Variants in LRFN5 observed in about 807,000 individuals in gnomAD.
LRFN5 encodes leucine rich repeat and fibronectin type III domain containing 5, also known as leucine-rich repeat and fibronectin type-III domain-containing protein 5.
A neutral mutation model predicts 45.6 loss-of-function variants in LRFN5; 24 were observed. The ratio of observed to expected loss-of-function variants is 0.53; its 90% CI spans 0.38 to 0.74. The LOEUF is 0.74. LRFN5 is among the 30% of genes least tolerant of loss of function. The probability of loss-of-function intolerance (pLI) is 0.00; values close to 1 mark genes in which losing one functional copy is unlikely to be tolerated. For missense variants in LRFN5, 776 were observed against 861.5 expected (o/e 0.90, Z 1.24); for synonymous variants, 340 against 313.8 (o/e 1.08, Z -0.88).
intron 1 of LRFN5, among the ~76,000 whole-genome samples, chr14:41,616,547 A>G (rs1288423403): frequency 6.6e-6 from 1 of 152,134 alleles, no homozygotes; most frequent in Admixed American, 6.6e-5. Flanking sequence ...AATAAAATTG[A>G]TGATTAAGCT....
chr14:41,645,167 T>A (rs759633888), intron 1 of LRFN5, among the ~76,000 whole-genome samples: 2 of 152,206 alleles, frequency 1.3e-5, no homozygotes, highest in Non-Finnish European at 2.9e-5. Flanking sequence ...AAAGAGATGA[T>A]GCATGTAAAG....
Position 41,891,923 on chromosome 14 carries a change from A to G in LRFN5, c.2059A>G (p.Thr687Ala), listed in dbSNP as rs751571865. The change falls in exon 4 of 6, where the codon ACA (threonine) becomes GCA (alanine). Residue 687 changes from threonine to alanine, a missense_variant. Transcript: ENST00000298119. ...AGCTAGCCGTCCTCCCGATTCTGTC[A>G]CAGAGGGGCCCACGTCTAAAAGAGC... is the stretch of plus-strand genomic sequence containing the variant. ...QLASRPPDSV[T>A]EGPTSKRAHI... The G allele has an allele frequency of 6.2e-7, 1 of 1,614,070 alleles. No individual in the cohort carries two copies. Among genetic ancestry groups the G allele is most frequent in the South Asian group, 1.1e-5 (1 of 91,072 alleles).
At chr14:41,837,299 TA>T (rs1888697560) in intron 2 of LRFN5, among the ~76,000 whole-genome samples, 1 of 150,616 alleles carries the variant, frequency 6.6e-6, no homozygotes, top group African/African-American at 2.4e-5. Context: ...CACCTGCAAT[TA>T]AAGACAAATC....
At chr14:41,881,363 C>T (rs1350890101) in intron 2 of LRFN5, among the ~76,000 whole-genome samples, 1 of 151,396 alleles carries the variant, frequency 6.6e-6, no homozygotes, top group Non-Finnish European at 1.5e-5. Context: ...TATATTATTT[C>T]ATTTTCTTTT....
intron 1 of LRFN5, among the ~76,000 whole-genome samples, chr14:41,673,630 C>T (rs1464439804): frequency 6.8e-6 from 1 of 147,220 alleles, no homozygotes; most frequent in East Asian, 2.1e-4. Context: ...GACTGACCCC[C>T]CCACCTCCCT....
chr14:41,789,175 G>C (rs776303555), intron 2 of LRFN5, among the ~76,000 whole-genome samples: 1 of 151,962 alleles, frequency 6.6e-6, no homozygotes, highest in African/African-American at 2.4e-5. Context: ...TGTCTGATAA[G>C]TGGTAAGTCA....
intron 1 of LRFN5, among the ~76,000 whole-genome samples, chr14:41,707,534 C>G (rs1356771145): frequency 6.6e-6 from 1 of 152,014 alleles, no homozygotes. Flanking sequence ...AATGATGAAA[C>G]TCATCATGCT....
At chr14:41,836,764 T>C (rs183895748) in intron 2 of LRFN5, among the ~76,000 whole-genome samples, 8 of 152,270 alleles carry the variant, frequency 5.3e-5, no homozygotes, top group Admixed American at 4.6e-4. Flanking sequence ...ACAGGTTCAT[T>C]CAGAGAGATA....
At chr14:41,793,317 G>T (rs1887001391) in intron 2 of LRFN5, among the ~76,000 whole-genome samples, 1 of 152,078 alleles carries the variant, frequency 6.6e-6, no homozygotes, top group Non-Finnish European at 1.5e-5. Context: ...AAGGCACACA[G>T]GTTGGAGATG....
intron 1 of LRFN5, among the ~76,000 whole-genome samples, chr14:41,732,587 G>A (rs8018706): frequency 0.045 from 6,822 of 151,908 alleles, 339 homozygotes; most frequent in African/African-American, 0.12. Flanking sequence ...CAATCAAAAC[G>A]AAACATAAAC....
chr14:41,770,711 G>T (rs1035180719), intron 2 of LRFN5, among the ~76,000 whole-genome samples: 1 of 152,152 alleles, frequency 6.6e-6, no homozygotes, highest in Non-Finnish European at 1.5e-5. Flanking sequence ...GCTCTCACAG[G>T]TTGCAGTTGT....
intron 2 of LRFN5, among the ~76,000 whole-genome samples, chr14:41,800,859 C>G (rs1887303530): frequency 6.6e-6 from 1 of 151,478 alleles, no homozygotes; most frequent in Non-Finnish European, 1.5e-5. Flanking sequence ...GCAAATTTGT[C>G]TTTTTAAAAA....
chr14:41,815,256 T>TAAA (rs1887877134), intron 2 of LRFN5, among the ~76,000 whole-genome samples: 2 of 152,156 alleles, frequency 1.3e-5, no homozygotes, highest in Non-Finnish European at 2.9e-5. Context: ...ATTGTTATAT[T>TAAA]TTTCATGGAG....
At chr14:41,818,519 A>G (rs1301698048) in intron 2 of LRFN5, among the ~76,000 whole-genome samples, 2 of 151,922 alleles carry the variant, frequency 1.3e-5, no homozygotes, top group Non-Finnish European at 2.9e-5. Flanking sequence ...ACACACACAC[A>G]TACACATCCC....
At chr14:41,811,498 T>C (rs1206024839) in intron 2 of LRFN5, among the ~76,000 whole-genome samples, 1 of 152,056 alleles carries the variant, frequency 6.6e-6, no homozygotes, top group Non-Finnish European at 1.5e-5. Context: ...TAATTCATAA[T>C]AGCCCAAAAA....
At chr14:41,725,350 C>G (rs920124351) in intron 1 of LRFN5, among the ~76,000 whole-genome samples, 1 of 152,162 alleles carries the variant, frequency 6.6e-6, no homozygotes, top group African/African-American at 2.4e-5. Context: ...ATGGCTTCAT[C>G]TGCTGTTTGG....
intron 2 of LRFN5, among the ~76,000 whole-genome samples, chr14:41,769,868 A>T (rs1031060273): frequency 2.6e-5 from 4 of 152,096 alleles, no homozygotes; most frequent in African/African-American, 9.7e-5. Flanking sequence ...TCCAGTTTTC[A>T]TTTGTCTATT....
chr14:41,739,101 AG>A (rs1326868596), intron 1 of LRFN5, among the ~76,000 whole-genome samples: 1 of 152,160 alleles, frequency 6.6e-6, no homozygotes, highest in Non-Finnish European at 1.5e-5. Context: ...CAATAATAGG[AG>A]CAGGCTGGAC....
intron 1 of LRFN5, among the ~76,000 whole-genome samples, chr14:41,730,532 A>T (rs1403839372): frequency 6.6e-6 from 1 of 152,052 alleles, no homozygotes; most frequent in Non-Finnish European, 1.5e-5. Context: ...GGATTTCCAC[A>T]GGAAATGTAG....
Sources: gnomAD v4.1 joint callset for allele counts (sites outside exome capture counted in the v4.1 genomes callset) on GRCh38, gnomAD v4.1.1 for gene constraint, MANE v1.5 for transcripts, NCBI Gene and HGNC (gene_info 2026-07-23, HGNC 2026-07-21) for gene names.